Variants in LINGO2 observed in about 807,000 individuals in gnomAD.
LINGO2 encodes the protein leucine-rich repeat and immunoglobulin-like domain-containing nogo receptor-interacting protein 2.
In LINGO2, 14 loss-of-function variants were observed where a neutral mutation model predicts 30.6. The ratio of observed to expected loss-of-function variants is 0.46; its 90% CI spans 0.30 to 0.72. LINGO2 has a LOEUF of 0.72. LINGO2 is among the 30% of genes least tolerant of loss of function. LINGO2 has a pLI of 0.07. For synonymous variants in LINGO2, 317 were observed against 288.5 expected (o/e 1.10, Z -1.00); for missense variants, 729 against 751.7 (o/e 0.97, Z 0.35).
chr9:29,136,202 A>C, the LINGO2 span, among the ~76,000 whole-genome samples: 22 of 152,134 alleles, frequency 1.4e-4, no homozygotes, highest in African/African-American at 5.3e-4. Context: ...ACAGGCAGGC[A>C]TGGCTTGAAT....
intron 5 of LINGO2, among the ~76,000 whole-genome samples, chr9:27,994,641 G>T (rs779920144): frequency 1.3e-5 from 2 of 152,136 alleles, no homozygotes; most frequent in Non-Finnish European, 2.9e-5. Flanking sequence ...CTAAGGAGGG[G>T]CAAAGGGCAA....
At chr9:28,381,636 G>T (rs896424765) in intron 2 of LINGO2, among the ~76,000 whole-genome samples, 1 of 151,936 alleles carries the variant, frequency 6.6e-6, no homozygotes, top group African/African-American at 2.4e-5. Flanking sequence ...TTATAAAGTT[G>T]CTCCATTATT....
chr9:29,092,482 C>A, the LINGO2 span, among the ~76,000 whole-genome samples: 1 of 152,004 alleles, frequency 6.6e-6, no homozygotes, highest in African/African-American at 2.4e-5. Context: ...TTAATACTTA[C>A]CTATAAAATG....
At chr9:29,041,979 G>A in the LINGO2 span, among the ~76,000 whole-genome samples, 43 of 151,710 alleles carry the variant, frequency 2.8e-4, no homozygotes, top group African/African-American at 9.7e-4. Flanking sequence ...AGAAAATGAG[G>A]GAAAGACATG....
At chr9:28,418,968 T>A (rs1305380116) in intron 2 of LINGO2, among the ~76,000 whole-genome samples, 1 of 152,166 alleles carries the variant, frequency 6.6e-6, no homozygotes, top group Non-Finnish European at 1.5e-5. Flanking sequence ...CTTTGATCTA[T>A]AACATGATCA....
chr9:29,173,729 T>A, the LINGO2 span, among the ~76,000 whole-genome samples: 3 of 152,046 alleles, frequency 2.0e-5, no homozygotes, highest in African/African-American at 7.2e-5. Flanking sequence ...TAGTTTAAAA[T>A]CTCAAATAAA....
the LINGO2 span, among the ~76,000 whole-genome samples, chr9:28,853,355 A>G: frequency 6.6e-6 from 1 of 152,032 alleles, no homozygotes; most frequent in African/African-American, 2.4e-5. Context: ...CTGAATCTTA[A>G]AGTGAATTAA....
the LINGO2 span, among the ~76,000 whole-genome samples, chr9:29,074,678 CTTTTTTT>C: frequency 3.4e-5 from 3 of 88,006 alleles, no homozygotes; most frequent in African/African-American, 5.3e-5. Context: ...AAATTACTTA[CTTTTTTT>C]TTTTTTTTTT....
the LINGO2 span, among the ~76,000 whole-genome samples, chr9:29,200,004 C>T: frequency 6.6e-6 from 1 of 151,694 alleles, no homozygotes; most frequent in African/African-American, 2.4e-5. Context: ...AAGAATATCA[C>T]AGGAAATTAT....
At chr9:27,976,819 G>T (rs1166623608) in intron 5 of LINGO2, among the ~76,000 whole-genome samples, 1 of 152,088 alleles carries the variant, frequency 6.6e-6, no homozygotes, top group East Asian at 1.9e-4. Context: ...TTCCAGTTGA[G>T]TAGATGCCAG....
intron 4 of LINGO2, among the ~76,000 whole-genome samples, chr9:28,027,377 G>A (rs1451061417): frequency 1.3e-5 from 2 of 152,164 alleles, no homozygotes; most frequent in African/African-American, 4.8e-5. Flanking sequence ...TACCATGACT[G>A]AGGCATAGTC....
At chr9:28,624,915 G>T (rs573356617) in intron 1 of LINGO2, among the ~76,000 whole-genome samples, 177 of 151,464 alleles carry the variant, frequency 1.2e-3, no homozygotes, top group Admixed American at 6.3e-3. Context: ...AGTTACTTTT[G>T]TTGCTGCCAG....
At chr9:28,598,434 A>C (rs1332875810) in intron 1 of LINGO2, among the ~76,000 whole-genome samples, 6 of 123,426 alleles carry the variant, frequency 4.9e-5, no homozygotes, top group East Asian at 2.1e-4. Context: ...AAAAAAAAAA[A>C]CAAAACAAAC....
chr9:28,815,475 C>T, the LINGO2 span, among the ~76,000 whole-genome samples: 1 of 152,118 alleles, frequency 6.6e-6, no homozygotes, highest in African/African-American at 2.4e-5. Context: ...ATCTTTCTGG[C>T]TTCTGATTGA....
At chr9:28,743,020 T>C in the LINGO2 span, among the ~76,000 whole-genome samples, 12 of 152,146 alleles carry the variant, frequency 7.9e-5, no homozygotes, top group Non-Finnish European at 1.3e-4. Context: ...GATATATTTC[T>C]TTTTTCATGT....
chr9:28,300,556 CCA>C (rs1303689042), intron 3 of LINGO2, among the ~76,000 whole-genome samples: 1 of 152,092 alleles, frequency 6.6e-6, no homozygotes, highest in Non-Finnish European at 1.5e-5. Flanking sequence ...CCCACATTTT[CCA>C]CAGTTGAAAC....
At chr9:28,234,607 C>T (rs1183890423) in intron 4 of LINGO2, among the ~76,000 whole-genome samples, 1 of 152,214 alleles carries the variant, frequency 6.6e-6, no homozygotes, top group Non-Finnish European at 1.5e-5. Context: ...CTGAGGCTTC[C>T]AGCCTTCATC....
At chr9:28,079,230 A>ATT (rs1825708807) in intron 4 of LINGO2, among the ~76,000 whole-genome samples, 1 of 152,204 alleles carries the variant, frequency 6.6e-6, no homozygotes, top group African/African-American at 2.4e-5. Flanking sequence ...CTAGCACTTG[A>ATT]ATATAAACAT....
the LINGO2 span, among the ~76,000 whole-genome samples, chr9:29,078,368 T>C: frequency 1.3e-5 from 2 of 152,124 alleles, no homozygotes; most frequent in East Asian, 1.9e-4. Context: ...TGGAGCAGCA[T>C]GACTAACCAC....
Sources: gnomAD v4.1 joint callset for allele counts (sites outside exome capture counted in the v4.1 genomes callset) on GRCh38, gnomAD v4.1.1 for gene constraint, MANE v1.5 for transcripts, NCBI Gene and HGNC (gene_info 2026-07-23, HGNC 2026-07-21) for gene names.